DLGAP1: variants seen among roughly 807,000 people sequenced by gnomAD.
The protein encoded by DLGAP1 is disks large-associated protein 1.
A neutral mutation model predicts 90.8 loss-of-function variants in DLGAP1; 11 were observed. That is an observed-to-expected ratio of 0.12 (90% CI 0.08 to 0.20). The LOEUF (loss-of-function observed/expected upper bound fraction) is 0.20. DLGAP1 is among the 10% of genes least tolerant of loss of function. The pLI, the probability that DLGAP1 is intolerant of heterozygous loss-of-function variation, is 1.00. For synonymous variants in DLGAP1, 558 were observed against 540.7 expected (o/e 1.03, Z -0.44); for missense variants, 1,050 against 1,333.8 (o/e 0.79, Z 3.31).
intron 3 of DLGAP1, among the ~76,000 whole-genome samples, chr18:3,925,700 G>A (rs995922806): frequency 2.6e-5 from 4 of 152,112 alleles, no homozygotes; most frequent in Admixed American, 2.6e-4. Flanking sequence ...AGCCACAGGT[G>A]CAGAGAAGAA....
chr18:4,287,119 C>A (rs1267466305), intron 1 of DLGAP1, among the ~76,000 whole-genome samples: 2 of 152,142 alleles, frequency 1.3e-5, no homozygotes, highest in Non-Finnish European at 2.9e-5. Flanking sequence ...TAGTTTGGAA[C>A]CAAGCCAAGC....
chr18:3,577,766 T>C (rs1270849722), intron 8 of DLGAP1, among the ~76,000 whole-genome samples: 3 of 152,210 alleles, frequency 2.0e-5, no homozygotes, highest in Non-Finnish European at 2.9e-5. Context: ...TGTGATTTTT[T>C]ACTCTTAGCT....
At chr18:3,739,767 A>G (rs1188459326) in intron 6 of DLGAP1, among the ~76,000 whole-genome samples, 4 of 126,728 alleles carry the variant, frequency 3.2e-5, no homozygotes, top group East Asian at 2.6e-4. Context: ...CCTAAAACTT[A>G]AAGTATAAAA....
intron 4 of DLGAP1, among the ~76,000 whole-genome samples, chr18:3,835,854 A>G (rs2068346961): frequency 6.6e-6 from 1 of 152,064 alleles, no homozygotes; most frequent in Admixed American, 6.6e-5. Context: ...CTCCCTTCCA[A>G]TTATGTAGTG....
At chr18:3,850,783 G>A (rs1030582516) in intron 4 of DLGAP1, among the ~76,000 whole-genome samples, 1 of 152,190 alleles carries the variant, frequency 6.6e-6, no homozygotes, top group South Asian at 2.1e-4. Flanking sequence ...CAAAGAAGTA[G>A]TATGCTAAGC....
intron 2 of DLGAP1, among the ~76,000 whole-genome samples, chr18:4,012,060 TCTAACACTG>T (rs1359461268): frequency 6.6e-6 from 1 of 151,956 alleles, no homozygotes; most frequent in Non-Finnish European, 1.5e-5. Flanking sequence ...CTTTCATCCC[TCTAACACTG>T]CTTGAATTCA....
At chr18:4,319,037 A>G (rs2080606613) in intron 1 of DLGAP1, among the ~76,000 whole-genome samples, 1 of 152,220 alleles carries the variant, frequency 6.6e-6, no homozygotes, top group African/African-American at 2.4e-5. Context: ...GTGTGAGGTA[A>G]CGGATATTTT....
chr18:3,569,626 T>C (rs2054649501), intron 8 of DLGAP1, among the ~76,000 whole-genome samples: 2 of 151,988 alleles, frequency 1.3e-5, no homozygotes, highest in Admixed American at 1.3e-4. Flanking sequence ...TTTTTCGTAT[T>C]TAATTCTTAA....
At chr18:3,725,678 T>G (rs1279427261) in intron 7 of DLGAP1, among the ~76,000 whole-genome samples, 1 of 152,172 alleles carries the variant, frequency 6.6e-6, no homozygotes, top group Non-Finnish European at 1.5e-5. Context: ...TCTGGGTGCT[T>G]GAAGTAGATT....
chr18:3,887,096 G>A (rs1200399874), intron 3 of DLGAP1, among the ~76,000 whole-genome samples: 5 of 152,200 alleles, frequency 3.3e-5, no homozygotes, highest in Admixed American at 3.3e-4. Context: ...TCAAGTAAAG[G>A]AAGGGCCTGC....
chr18:3,914,754 A>G (rs541994906), intron 3 of DLGAP1, among the ~76,000 whole-genome samples: 2 of 152,080 alleles, frequency 1.3e-5, no homozygotes, highest in East Asian at 3.9e-4. Flanking sequence ...GATAATAGCC[A>G]TGTTATTATT....
Position 3,765,117 on chromosome 18 carries a change from C to CTTTTTTTTTTTTTT in DLGAP1, c.1173-22606_1173-22605insAAAAAAAAAAAAAA, listed in dbSNP as rs921982904. Among the ~76,000 whole-genome samples the CTTTTTTTTTTTTTT allele has an allele frequency of 4.1e-4, 52 of 126,386 alleles. 3 individuals are homozygous for CTTTTTTTTTTTTTT. The highest frequency in any genetic ancestry group is 1.4e-3 in the East Asian group (5 of 3,486). The allele number at this position is 126,386 out of a possible 152,430, so 82.9% of individuals were successfully genotyped here. ...CAGAATCTCCATGCACACTTGCAAA[C>CTTTTTTTTTTTTTT]TTTTTTTTTTTTCTTTTTTTTTTTT... On this transcript the variant is annotated intron_variant, in intron 5 of 12. Coordinates refer to ENST00000315677, the MANE Select transcript of DLGAP1 (RefSeq NM_004746.4).
chr18:3,740,474 C>T (rs1344035763), intron 6 of DLGAP1, among the ~76,000 whole-genome samples: 3 of 152,130 alleles, frequency 2.0e-5, no homozygotes, highest in Admixed American at 1.3e-4. Context: ...ACAGCTTTCC[C>T]TGGCTCCCTC....
rs554909067 is a variant in DLGAP1, at chr18:4,023,708, T to C, written c.-158-18507A>G. ...AGTGACAATAGGCTTCTGAATTCCA[T>C]GGCTGTAGGTGTCATCTAGTTCAAC... On this transcript the variant is annotated intron_variant, in intron 2 of 12. Transcript: ENST00000315677. 3.3e-5 allele frequency among the ~76,000 whole-genome samples: 5 copies of C among 152,318 alleles called. No homozygotes were observed. In the South Asian group the frequency reaches 1.0e-3, roughly 32 times the overall value.
chr18:3,535,758 G>A (rs149978671), intron 9 of DLGAP1, among the ~76,000 whole-genome samples: 3 of 151,652 alleles, frequency 2.0e-5, no homozygotes, highest in Admixed American at 1.3e-4. Flanking sequence ...AAGGCCGTGC[G>A]CAGTGGCTCA....
intron 5 of DLGAP1, among the ~76,000 whole-genome samples, chr18:3,760,550 G>A (rs903518485): frequency 6.6e-6 from 1 of 152,154 alleles, no homozygotes; most frequent in African/African-American, 2.4e-5. Flanking sequence ...AGTATGCCAG[G>A]CAGGAGTTTT....
intron 3 of DLGAP1, among the ~76,000 whole-genome samples, chr18:3,942,708 G>C (rs1458119360): frequency 6.6e-6 from 1 of 152,154 alleles, no homozygotes; most frequent in East Asian, 1.9e-4. Context: ...AATCTGTTCT[G>C]GGCTTTTGCT....
chr18:4,266,456 C>A (rs1365513225), intron 1 of DLGAP1, among the ~76,000 whole-genome samples: 5 of 152,186 alleles, frequency 3.3e-5, no homozygotes, highest in Non-Finnish European at 7.3e-5. Context: ...TTTTGAAGGC[C>A]TCGCTAGATC....
At chr18:4,238,560 C>A (rs1159884548) in intron 1 of DLGAP1, among the ~76,000 whole-genome samples, 1 of 152,080 alleles carries the variant, frequency 6.6e-6, no homozygotes, top group Non-Finnish European at 1.5e-5. Context: ...ACCTCTTTTT[C>A]ACTCTCGATT....
Sources: allele counts gnomAD v4.1 joint callset (sites outside exome capture counted in the v4.1 genomes callset), GRCh38; gene constraint gnomAD v4.1.1; transcripts MANE v1.5; gene names NCBI Gene and HGNC (gene_info 2026-07-23, HGNC 2026-07-21).